Variants in SCHIP1 observed in about 807,000 individuals in gnomAD.
The protein encoded by SCHIP1 is schwannomin interacting protein 1.
In SCHIP1, 8 loss-of-function variants were observed where a neutral mutation model predicts 29.7. That is an observed-to-expected ratio of 0.27 (90% confidence interval 0.16 to 0.49). The LOEUF is 0.49. SCHIP1 is among the 20% of genes least tolerant of loss of function. SCHIP1 has a pLI of 0.99. For missense variants in SCHIP1, 193 were observed against 294.6 expected (o/e 0.66, Z 2.52); for synonymous variants, 76 against 94.9 (o/e 0.80, Z 1.16).
chr3:159,741,501 T>C, the SCHIP1 span, among the ~76,000 whole-genome samples: 1 of 152,268 alleles, frequency 6.6e-6, no homozygotes, highest in Non-Finnish European at 1.5e-5. Context: ...CTAGATTCCT[T>C]ACTCTCAAAC....
chr3:159,839,745 G>A (rs2109011789), upstream of SCHIP1: 1 of 321,100 alleles, frequency 3.1e-6, no homozygotes, highest in Non-Finnish European at 5.0e-6. Context: ...ATTTGTGTCT[G>A]TCCCTCTCCC....
chr3:159,855,958 A>T (rs1003396958), intron 1 of SCHIP1, among the ~76,000 whole-genome samples: 1 of 152,232 alleles, frequency 6.6e-6, no homozygotes, highest in Non-Finnish European at 1.5e-5. Flanking sequence ...TGTAAGAAAG[A>T]TGTTTCATTA....
the SCHIP1 span, among the ~76,000 whole-genome samples, chr3:159,338,489 G>A: frequency 6.6e-6 from 1 of 152,108 alleles, no homozygotes; most frequent in African/African-American, 2.4e-5. Flanking sequence ...ACTATATTGT[G>A]TAGAACCTTA....
chr3:159,336,350 T>C, the SCHIP1 span, among the ~76,000 whole-genome samples: 1 of 152,196 alleles, frequency 6.6e-6, no homozygotes, highest in Non-Finnish European at 1.5e-5. Flanking sequence ...TTATTTTAAT[T>C]AGATCCCATT....
the SCHIP1 span, among the ~76,000 whole-genome samples, chr3:159,747,649 T>G: frequency 6.6e-6 from 1 of 152,064 alleles, no homozygotes; most frequent in Non-Finnish European, 1.5e-5. Context: ...TTTTCATGGG[T>G]ATGACCACGG....
the SCHIP1 span, among the ~76,000 whole-genome samples, chr3:159,797,377 T>C: frequency 6.6e-6 from 1 of 152,210 alleles, no homozygotes. Flanking sequence ...CATTTTTACT[T>C]TAAAATGAAT....
chr3:159,376,665 T>G, the SCHIP1 span, among the ~76,000 whole-genome samples: 2 of 152,188 alleles, frequency 1.3e-5, no homozygotes, highest in African/African-American at 2.4e-5. Flanking sequence ...ATCTGCCAAG[T>G]GCTGTGTTTC....
the SCHIP1 span, among the ~76,000 whole-genome samples, chr3:159,331,117 G>C: frequency 6.6e-6 from 1 of 152,184 alleles, no homozygotes; most frequent in African/African-American, 2.4e-5. Flanking sequence ...ATAGGCCCTG[G>C]TAGGGGAGGG....
the SCHIP1 span, among the ~76,000 whole-genome samples, chr3:159,678,041 C>G: frequency 6.6e-6 from 1 of 152,178 alleles, no homozygotes; most frequent in East Asian, 1.9e-4. Flanking sequence ...AGATCTGTGT[C>G]CATTATTCTA....
chr3:159,695,103 C>G, the SCHIP1 span, among the ~76,000 whole-genome samples: 1 of 152,160 alleles, frequency 6.6e-6, no homozygotes, highest in Non-Finnish European at 1.5e-5. Flanking sequence ...ATAGATCCAA[C>G]AAATATTTAT....
chr3:159,304,908 T>C, the SCHIP1 span, among the ~76,000 whole-genome samples: 9 of 152,230 alleles, frequency 5.9e-5, no homozygotes, highest in South Asian at 1.9e-3. Context: ...CCTGCCTCTG[T>C]TCCCAGCTTC....
the SCHIP1 span, among the ~76,000 whole-genome samples, chr3:159,299,205 G>A: frequency 6.6e-6 from 1 of 152,076 alleles, no homozygotes; most frequent in Non-Finnish European, 1.5e-5. Context: ...TGAGTATATG[G>A]GTGTGTATAC....
At chr3:159,549,019 G>A in the SCHIP1 span, among the ~76,000 whole-genome samples, 1 of 152,068 alleles carries the variant, frequency 6.6e-6, no homozygotes, top group Non-Finnish European at 1.5e-5. Context: ...CTCCTCAGAA[G>A]AATATTAATG....
the SCHIP1 span, among the ~76,000 whole-genome samples, chr3:159,563,111 G>A: frequency 6.6e-6 from 1 of 152,170 alleles, no homozygotes; most frequent in Non-Finnish European, 1.5e-5. Context: ...AAAGAGGACT[G>A]CATCTGCAGA....
At chr3:159,380,445 G>A in the SCHIP1 span, among the ~76,000 whole-genome samples, 3 of 152,054 alleles carry the variant, frequency 2.0e-5, no homozygotes, top group East Asian at 5.8e-4. Flanking sequence ...GACATGACAT[G>A]GTCAGATAGA....
chr3:159,883,250 C>T (rs145266486), intron 2 of SCHIP1, among the ~76,000 whole-genome samples: 2 of 152,130 alleles, frequency 1.3e-5, no homozygotes, highest in Non-Finnish European at 2.9e-5. Context: ...AGATGAGGAT[C>T]GTGTTCTGTT....
At chr3:159,782,324 C>T in the SCHIP1 span, among the ~76,000 whole-genome samples, 100,621 of 152,040 alleles carry the variant, frequency 0.66, 33,783 homozygotes, top group East Asian at 0.99. Context: ...AGAGAGAGTG[C>T]GTGTGCTTTC....
the SCHIP1 span, among the ~76,000 whole-genome samples, chr3:159,509,692 G>C: frequency 2.0e-5 from 3 of 152,174 alleles, no homozygotes; most frequent in African/African-American, 7.2e-5. Flanking sequence ...GCATTTGCTT[G>C]TCTGTAAAGT....
the SCHIP1 span, among the ~76,000 whole-genome samples, chr3:159,473,572 A>G: frequency 6.6e-6 from 1 of 151,706 alleles, no homozygotes. Flanking sequence ...TACACCCTGT[A>G]CAATTGTTGC....
Sources: gnomAD v4.1 joint callset for allele counts (sites outside exome capture counted in the v4.1 genomes callset) on GRCh38, gnomAD v4.1.1 for gene constraint, MANE v1.5 for transcripts, NCBI Gene and HGNC (gene_info 2026-07-23, HGNC 2026-07-21) for gene names.